Variants in PCOLCE2 observed in about 807,000 individuals in gnomAD.
The protein encoded by PCOLCE2 is procollagen C-endopeptidase enhancer 2.
Under a neutral mutation model 47.0 loss-of-function variants are expected in PCOLCE2, and 42 were observed. The ratio of observed to expected loss-of-function variants is 0.89; its 90% CI spans 0.70 to 1.16. The LOEUF (loss-of-function observed/expected upper bound fraction) is 1.16, where lower values mean the gene tolerates loss of function less well. Among genes scored for constraint, PCOLCE2 ranks in the 50% most tolerant of loss-of-function variants. The pLI, the probability that PCOLCE2 is intolerant of heterozygous loss-of-function variation, is 0.00. For missense variants in PCOLCE2, 500 were observed against 526.1 expected (o/e 0.95, Z 0.49); for synonymous variants, 169 against 191.7 (o/e 0.88, Z 0.98).
intron 2 of PCOLCE2, among the ~76,000 whole-genome samples, chr3:142,882,200 A>T (rs1040580447): frequency 1.5e-4 from 7 of 46,876 alleles, no homozygotes; most frequent in African/African-American, 2.5e-4. Flanking sequence ...TGGCTAATTT[A>T]AAAAAAAAAA....
intron 5 of PCOLCE2, 75 bp from the exon 6 acceptor site, chr3:142,829,921 T>C (rs1192752905): frequency 1.2e-6 from 1 of 841,660 alleles, no homozygotes; most frequent in Non-Finnish European, 1.8e-6. Flanking sequence ...ATTTTCTAGT[T>C]TTCCATTAAC....
At chr3:142,834,933 C>T (rs1022569877) in intron 5 of PCOLCE2, among the ~76,000 whole-genome samples, 4 of 151,920 alleles carry the variant, frequency 2.6e-5, no homozygotes, top group Non-Finnish European at 5.9e-5. Flanking sequence ...CTTTTCCTTC[C>T]TTGACAGGAA....
At chr3:142,838,929 G>A in intron 4 of PCOLCE2, 23 bp from the exon 5 acceptor site, 4 of 1,580,024 alleles carry the variant, frequency 2.5e-6, no homozygotes, top group Non-Finnish European at 3.5e-6. Context: ...CACAATAGAA[G>A]TGTCAAATAT....
intron 2 of PCOLCE2, among the ~76,000 whole-genome samples, chr3:142,851,297 C>A (rs540637873): frequency 3.5e-4 from 54 of 152,156 alleles, no homozygotes; most frequent in Non-Finnish European, 7.1e-4. Context: ...TGCATGGTGG[C>A]GATATTTGTT....
intron 2 of PCOLCE2, among the ~76,000 whole-genome samples, chr3:142,861,493 A>G (rs1408010831): frequency 1.3e-5 from 2 of 151,294 alleles, no homozygotes; most frequent in African/African-American, 4.9e-5. Flanking sequence ...CCCTGATACT[A>G]ATTTTTTTAT....
chr3:142,844,533 G>A (rs973817311), intron 3 of PCOLCE2, among the ~76,000 whole-genome samples: 4 of 152,062 alleles, frequency 2.6e-5, no homozygotes, highest in Admixed American at 6.6e-5. Context: ...TGAACACTTC[G>A]GTTGCTTTAC....
At chr3:142,827,232 C>T (rs1937090945) in intron 6 of PCOLCE2, 1 of 1,227,936 alleles carries the variant, frequency 8.1e-7, no homozygotes, top group Non-Finnish European at 1.2e-6. Flanking sequence ...TGGTTGCCAC[C>T]TCCAAAAGGA....
At chr3:142,858,780 G>A (rs556863897) in intron 2 of PCOLCE2, among the ~76,000 whole-genome samples, 125 of 152,058 alleles carry the variant, frequency 8.2e-4, no homozygotes, top group African/African-American at 2.9e-3. Context: ...CGAGAGATAG[G>A]GTCTTGCCCT....
At chr3:142,870,233 C>G (rs1390497688) in intron 2 of PCOLCE2, among the ~76,000 whole-genome samples, 2 of 152,054 alleles carry the variant, frequency 1.3e-5, no homozygotes, top group Non-Finnish European at 2.9e-5. Flanking sequence ...CAAATTAGGA[C>G]CCAGAAGCAA....
intron 2 of PCOLCE2, among the ~76,000 whole-genome samples, chr3:142,869,381 C>T (rs932076839): frequency 2.0e-5 from 3 of 151,960 alleles, no homozygotes; most frequent in Middle Eastern, 3.2e-3. Flanking sequence ...ATAACAGGTC[C>T]GGAAAGAAAT....
chr3:142,824,248 T>C (rs1937048531), intron 6 of PCOLCE2, among the ~76,000 whole-genome samples: 1 of 151,978 alleles, frequency 6.6e-6, no homozygotes, highest in African/African-American at 2.4e-5. Context: ...CGGGTGACGT[T>C]GCCCCCAGCA....
At chr3:142,833,375 G>T (rs1343809466) in intron 5 of PCOLCE2, among the ~76,000 whole-genome samples, 1 of 151,686 alleles carries the variant, frequency 6.6e-6, no homozygotes, top group African/African-American at 2.4e-5. Context: ...TTAGAGATAG[G>T]ATTTCCACAT....
intron 2 of PCOLCE2, among the ~76,000 whole-genome samples, chr3:142,871,305 C>T (rs1933383055): frequency 6.6e-6 from 1 of 152,200 alleles, no homozygotes; most frequent in Non-Finnish European, 1.5e-5. Context: ...AGCTGCTCTC[C>T]CTTCTTCCAT....
chr3:142,841,029 C>T lies in PCOLCE2; in HGVS notation c.573+1895G>A, dbSNP rs139119629. On this transcript the variant is annotated intron_variant, in intron 4 of 8. Coordinates refer to ENST00000295992, the MANE Select transcript of PCOLCE2 (RefSeq NM_013363.4). ...GGTGGAAGTTGCAGTGAGCCGAAAT[C>T]GCACCACTGCACTCCAGCCTAGGTG... 7.3e-3 allele frequency among the ~76,000 whole-genome samples: 1,081 copies of T among 149,074 alleles called. 19 individuals are homozygous for T. Among genetic ancestry groups the T allele is most frequent in the Admixed American group, 0.052 (780 of 14,938 alleles).
intron 3 of PCOLCE2, among the ~76,000 whole-genome samples, chr3:142,844,377 T>C (rs1056989122): frequency 6.6e-6 from 1 of 152,216 alleles, no homozygotes; most frequent in Admixed American, 6.5e-5. Flanking sequence ...AACAGTTTTG[T>C]ACACATTTGT....
At chr3:142,838,557 C>A (rs544550108) in intron 5 of PCOLCE2, among the ~76,000 whole-genome samples, 1 of 152,248 alleles carries the variant, frequency 6.6e-6, no homozygotes. Flanking sequence ...GTACAACATG[C>A]AGAACCCTGA....
chr3:142,827,319 G>T, intron 6 of PCOLCE2: 1 of 1,384,396 alleles, frequency 7.2e-7, no homozygotes, highest in African/African-American at 1.4e-5. Context: ...TGGTAGGCTT[G>T]GCAAGCCTTC....
At chr3:142,866,431 T>C (rs1933284695) in intron 2 of PCOLCE2, among the ~76,000 whole-genome samples, 1 of 152,182 alleles carries the variant, frequency 6.6e-6, no homozygotes, top group South Asian at 2.1e-4. Flanking sequence ...TTCACCAGCT[T>C]GCAGAAAGCA....
intron 2 of PCOLCE2, among the ~76,000 whole-genome samples, chr3:142,871,787 G>A (rs760188649): frequency 5.3e-5 from 8 of 152,112 alleles, no homozygotes; most frequent in Non-Finnish European, 1.0e-4. Flanking sequence ...CTCTTTATAT[G>A]TGTATATAGC....
Sources: gnomAD v4.1 joint callset for allele counts (sites outside exome capture counted in the v4.1 genomes callset) on GRCh38, gnomAD v4.1.1 for gene constraint, MANE v1.5 for transcripts, NCBI Gene and HGNC (gene_info 2026-07-23, HGNC 2026-07-21) for gene names.